WDR70: variants seen among roughly 807,000 people sequenced by gnomAD.
WDR70 encodes WD repeat-containing protein 70.
Under a neutral mutation model 88.6 loss-of-function variants are expected in WDR70, and 53 were observed. The ratio of observed to expected loss-of-function variants is 0.60; its 90% CI spans 0.48 to 0.75. WDR70 has a LOEUF of 0.75. WDR70 is among the 30% of genes least tolerant of loss of function. WDR70 has a pLI of 0.00. For missense variants in WDR70, 610 were observed against 823.2 expected, an observed-to-expected ratio of 0.74 and a Z score of 3.17; for synonymous variants, 280 against 270.0, an observed-to-expected ratio of 1.04 and a Z score of -0.36.
chr5:37,456,034 A>G (rs1218826007), intron 7 of WDR70, among the ~76,000 whole-genome samples: 1 of 66,068 alleles, frequency 1.5e-5, no homozygotes, highest in Admixed American at 2.5e-4. Flanking sequence ...GTTTTTAGGT[A>G]TAAGGAATAA....
chr5:37,449,421 G>A (rs534629870), intron 7 of WDR70, among the ~76,000 whole-genome samples: 18 of 151,958 alleles, frequency 1.2e-4, no homozygotes, highest in East Asian at 9.7e-4. Flanking sequence ...GTGAAACCCC[G>A]TCTGTACTAA....
intron 13 of WDR70, among the ~76,000 whole-genome samples, chr5:37,720,105 C>T (rs988495584): frequency 2.0e-5 from 3 of 152,186 alleles, no homozygotes; most frequent in African/African-American, 4.8e-5. Context: ...CAAAGAAATT[C>T]AGCCCAAAGT....
intron 17 of WDR70, among the ~76,000 whole-genome samples, chr5:37,730,451 T>G (rs200524862): frequency 0.012 from 2 of 164 alleles, no homozygotes; most frequent in African/African-American, 0.013. Context: ...ATTGATTTGC[T>G]TTTTTTTTGG....
chr5:37,590,465 C>A (rs1743499583), intron 9 of WDR70, among the ~76,000 whole-genome samples: 1 of 152,102 alleles, frequency 6.6e-6, no homozygotes, highest in Admixed American at 6.6e-5. Context: ...GGTGGCCCCC[C>A]AAAAAGCTAT....
intron 9 of WDR70, among the ~76,000 whole-genome samples, chr5:37,584,189 G>C (rs1262407038): frequency 2.0e-5 from 3 of 152,300 alleles, no homozygotes; most frequent in Non-Finnish European, 2.9e-5. Context: ...AGTGCTTTTA[G>C]AATAGTGCAT....
chr5:37,662,517 G>A (rs78559613), intron 10 of WDR70, among the ~76,000 whole-genome samples: 7,191 of 152,176 alleles, frequency 0.047, 204 homozygotes, highest in Middle Eastern at 0.12. Context: ...ACTAATAAGT[G>A]AGTTACAACA....
intron 13 of WDR70, among the ~76,000 whole-genome samples, chr5:37,705,781 T>C (rs934796149): frequency 2.6e-5 from 4 of 152,198 alleles, no homozygotes; most frequent in African/African-American, 4.8e-5. Context: ...TGAGTTTTAA[T>C]TTGCATAAAA....
At chr5:37,665,992 T>C (rs1488870176) in intron 10 of WDR70, among the ~76,000 whole-genome samples, 3 of 151,538 alleles carry the variant, frequency 2.0e-5, no homozygotes, top group Non-Finnish European at 2.9e-5. Context: ...GGGGAGAGAG[T>C]GGCTAAATCT....
At chr5:37,464,262 A>G (rs1203319099) in intron 7 of WDR70, among the ~76,000 whole-genome samples, 1 of 152,214 alleles carries the variant, frequency 6.6e-6, no homozygotes, top group Non-Finnish European at 1.5e-5. Context: ...GATTCATTCC[A>G]TTCTTTCTTT....
intron 10 of WDR70, among the ~76,000 whole-genome samples, chr5:37,679,531 G>A (rs570622416): frequency 6.6e-6 from 1 of 152,318 alleles, no homozygotes; most frequent in Admixed American, 6.5e-5. Context: ...CAGCAGTGGT[G>A]GCTGCAGAAC....
intron 9 of WDR70, among the ~76,000 whole-genome samples, chr5:37,576,318 CTTGT>C (rs1443948578): frequency 6.6e-6 from 1 of 151,892 alleles, no homozygotes; most frequent in African/African-American, 2.4e-5. Flanking sequence ...GGAGGTTTCA[CTTGT>C]TTGTTCTACT....
intron 17 of WDR70, among the ~76,000 whole-genome samples, chr5:37,727,556 T>C (rs1032669253): frequency 6.6e-6 from 1 of 152,242 alleles, no homozygotes; most frequent in African/African-American, 2.4e-5. Flanking sequence ...TAGGTACTAT[T>C]ATAGAATTTT....
intron 13 of WDR70, among the ~76,000 whole-genome samples, chr5:37,720,219 C>G (rs1227626200): frequency 6.6e-6 from 1 of 152,086 alleles, no homozygotes; most frequent in African/African-American, 2.4e-5. Flanking sequence ...TATAGTTTGA[C>G]AAGTGATAGA....
chr5:37,380,506 T>C (rs1748393548), intron 2 of WDR70, among the ~76,000 whole-genome samples: 1 of 147,642 alleles, frequency 6.8e-6, no homozygotes. Flanking sequence ...GCCCGGCTGA[T>C]TTTTTTTTTG....
At chr5:37,676,224 A>G (rs1366616468) in intron 10 of WDR70, among the ~76,000 whole-genome samples, 1 of 151,456 alleles carries the variant, frequency 6.6e-6, no homozygotes, top group Non-Finnish European at 1.5e-5. Context: ...AATACCCTTT[A>G]TTTCCTTCTC....
chr5:37,712,422 A>G (rs1747541007), intron 13 of WDR70, among the ~76,000 whole-genome samples: 1 of 152,218 alleles, frequency 6.6e-6, no homozygotes, highest in Admixed American at 6.5e-5. Flanking sequence ...GGAAACACAG[A>G]TTTACTGCAG....
At chr5:37,700,414 C>T (rs4869544) in intron 11 of WDR70, 107,605 of 152,270 alleles carry the variant, frequency 0.71, 42,129 homozygotes, top group East Asian at 0.89. Flanking sequence ...CCAGTCTTAG[C>T]ATATGTGCTG....
At chr5:37,562,461 T>TTA (rs1173529843) in intron 9 of WDR70, among the ~76,000 whole-genome samples, 1 of 151,338 alleles carries the variant, frequency 6.6e-6, no homozygotes, top group African/African-American at 2.4e-5. Flanking sequence ...TTTTTTTTTT[T>TTA]AATTGATCAT....
At chr5:37,631,970 C>G (rs1004467231) in intron 10 of WDR70, among the ~76,000 whole-genome samples, 20 of 152,076 alleles carry the variant, frequency 1.3e-4, no homozygotes, top group Non-Finnish European at 5.9e-5. Context: ...TCTCCTGGTC[C>G]CCTCTGTTAC....
Sources: gnomAD v4.1 joint callset for allele counts (sites outside exome capture counted in the v4.1 genomes callset) on GRCh38, gnomAD v4.1.1 for gene constraint, MANE v1.5 for transcripts, NCBI Gene and HGNC (gene_info 2026-07-23, HGNC 2026-07-21) for gene names.